GARRE1: variants seen among roughly 807,000 people sequenced by gnomAD.
The protein encoded by GARRE1 is granule associated Rac and RHOG effector 1.
In GARRE1, 49 loss-of-function variants were observed where a neutral mutation model predicts 103.2. The observed-to-expected ratio is 0.47, with a 90% CI of 0.38 to 0.60. The LOEUF (loss-of-function observed/expected upper bound fraction) is 0.60. Among genes scored for constraint, GARRE1 ranks in the 20% least tolerant of loss-of-function variants. The probability of loss-of-function intolerance (pLI) is 0.00; values close to 1 mark genes in which losing one functional copy is unlikely to be tolerated. For missense variants in GARRE1, 1,199 were observed against 1,370.5 expected, an observed-to-expected ratio of 0.87 and a Z score of 1.98; for synonymous variants, 505 against 532.8, an observed-to-expected ratio of 0.95 and a Z score of 0.72.
chr19:34,348,173 A>G, intron 11 of GARRE1, 131 bp downstream of exon 11: 1 of 758,080 alleles, frequency 1.3e-6, no homozygotes, highest in Non-Finnish European at 1.9e-6. Context: ...CATGTGAGAG[A>G]GTGACATGGG....
At chr19:34,259,765 T>C (rs1402698426) in intron 1 of GARRE1, among the ~76,000 whole-genome samples, 1 of 152,102 alleles carries the variant, frequency 6.6e-6, no homozygotes, top group Non-Finnish European at 1.5e-5. Flanking sequence ...CCAAATCTCA[T>C]CTTGAATTGT....
chr19:34,351,146 C>T (rs905134617), intron 12 of GARRE1, among the ~76,000 whole-genome samples: 15 of 150,190 alleles, frequency 1.0e-4, no homozygotes, highest in African/African-American at 3.7e-4. Flanking sequence ...TTGCAATGAG[C>T]TGAGATCATG....
intron 1 of GARRE1, among the ~76,000 whole-genome samples, chr19:34,297,439 T>C (rs2073953388): frequency 6.6e-6 from 1 of 152,198 alleles, no homozygotes; most frequent in South Asian, 2.1e-4. Context: ...TTTAATTAGG[T>C]AAGCATATAG....
In GARRE1 at chr19:34,353,468, T is replaced by C. The variant is rs2074251951; in HGVS notation, c.*513T>C. 1 of 156,422 alleles carries C rather than the reference T, an allele frequency of 6.4e-6. No homozygotes were observed. Among genetic ancestry groups the C allele is most frequent in the Non-Finnish European group, 1.4e-5 (1 of 70,850 alleles). 9.7% of individuals were successfully genotyped at this position (156,422 alleles called of 1,614,324 possible). A position where few individuals can be genotyped will look rare whatever the true frequency, so the allele number is the denominator to read the frequency against. ...TAGTTAAAACATCTCCTGCCTAAAA[T>C]GCATTGAATATTTTAAGATAACAGA... On this transcript the variant is annotated 3_prime_UTR_variant, in exon 14 of 14. Coordinates refer to ENST00000299505, the MANE Select transcript of GARRE1 (RefSeq NM_014686.5).
At chr19:34,270,046 T>A (rs981500238) in intron 1 of GARRE1, among the ~76,000 whole-genome samples, 3 of 152,344 alleles carry the variant, frequency 2.0e-5, no homozygotes, top group Admixed American at 6.5e-5. Flanking sequence ...GTTTTAATGA[T>A]ACCCTCCCTG....
chr19:34,295,553 A>G lies in GARRE1; in HGVS notation c.-795-4126A>G, dbSNP rs571921258. 4.3e-5 allele frequency among the ~76,000 whole-genome samples: 5 copies of G among 117,122 alleles called. No homozygotes were observed. The East Asian group carries it at 9.8e-4, about 23-fold the overall frequency. 76.8% of individuals were successfully genotyped at this position (117,122 alleles called of 152,430 possible). A position where few individuals can be genotyped will look rare whatever the true frequency, so the allele number is the denominator to read the frequency against. The stretch of plus-strand genomic sequence containing the variant: ...TTTTGTTTTGTTTTGTTTTCGAGAC[A>G]GGGTCTTGTTTTGTCACCCAGGCTA... On this transcript the variant is annotated intron_variant, in intron 1 of 13. Coordinates refer to ENST00000299505, the MANE Select transcript of GARRE1 (RefSeq NM_014686.5).
chr19:34,293,483 CTT>C (rs1000525266), intron 1 of GARRE1, among the ~76,000 whole-genome samples: 1 of 151,014 alleles, frequency 6.6e-6, no homozygotes, highest in Non-Finnish European at 1.5e-5. Context: ...GCAGCCTCAA[CTT>C]TTCAGGCTCA....
intron 2 of GARRE1, among the ~76,000 whole-genome samples, chr19:34,305,689 C>T (rs2074004488): frequency 6.6e-6 from 1 of 152,204 alleles, no homozygotes; most frequent in African/African-American, 2.4e-5. Context: ...GCTTGGTAAG[C>T]CGCTGGGGCA....
Position 34,300,825 on chromosome 19 carries a change from A to G in GARRE1, c.352A>G (p.Lys118Glu). 1 of 1,614,206 alleles carries G rather than the reference A, an allele frequency of 6.2e-7. No individual in the cohort carries two copies. The highest frequency in any genetic ancestry group is 1.1e-5 in the South Asian group (1 of 91,090). ...SHYSKAATQL[K>E]DVQEHVMEAA... The stretch of plus-strand genomic sequence containing the variant: ...CTACTCAAAGGCAGCCACACAGCTC[A>G]AAGATGTGCAGGAGCATGTCATGGA... Residue 118 changes from lysine to glutamate, a missense_variant, in exon 2 of 14, where the codon AAA (lysine) becomes GAA (glutamate). Physicochemically the swap from Lys to Glu is moderately conservative, Grantham distance 56. Coordinates refer to ENST00000299505, the MANE Select transcript of GARRE1 (RefSeq NM_014686.5).
At chr19:34,321,793 C>A (rs1175651505) in intron 3 of GARRE1, among the ~76,000 whole-genome samples, 2 of 152,102 alleles carry the variant, frequency 1.3e-5, no homozygotes, top group Non-Finnish European at 2.9e-5. Flanking sequence ...AGTCTTTTAT[C>A]CCTTGGAAGA....
chr19:34,262,449 C>G (rs1337806711), intron 1 of GARRE1, among the ~76,000 whole-genome samples: 1 of 151,914 alleles, frequency 6.6e-6, no homozygotes, highest in African/African-American at 2.4e-5. Flanking sequence ...GCATGCGTCA[C>G]CACGCCCAGC....
At chr19:34,328,912 C>T (rs2074125217) in intron 6 of GARRE1, among the ~76,000 whole-genome samples, 1 of 152,062 alleles carries the variant, frequency 6.6e-6, no homozygotes, top group East Asian at 1.9e-4. Flanking sequence ...TGGGCCTAGG[C>T]AGTTTTATTC....
At chr19:34,347,743 C>A in intron 10 of GARRE1, 134 bp from the exon 11 acceptor site, 1 of 833,306 alleles carries the variant, frequency 1.2e-6, no homozygotes, top group Non-Finnish European at 1.8e-6. Context: ...CTACAGCCCA[C>A]GCTGTGGGGC....
chr19:34,330,407 G>A, intron 7 of GARRE1, 60 bp downstream of exon 7: 1 of 1,542,730 alleles, frequency 6.5e-7, no homozygotes, highest in African/African-American at 1.4e-5. Flanking sequence ...AGCATGTGAG[G>A]ATGTGGTGCA....
In GARRE1 at chr19:34,300,308, T is replaced by C; in HGVS notation, c.-166T>C. The stretch of plus-strand genomic sequence containing the variant: ...AAATATTAATTATATAAACCTGTTG[T>C]CTCTCACCTCTACATTGGATCACAT... On this transcript the variant is annotated 5_prime_UTR_variant, in exon 2 of 14. Transcript: ENST00000299505. 1.6e-6 allele frequency: 1 copy of C among 622,972 alleles called. No individual in the cohort carries two copies. The highest frequency in any genetic ancestry group is 2.7e-6 in the Non-Finnish European group (1 of 375,688). 38.6% of individuals were successfully genotyped at this position (622,972 alleles called of 1,614,324 possible). A position where few individuals can be genotyped will look rare whatever the true frequency, so the allele number is the denominator to read the frequency against.
At chr19:34,350,969 C>T (rs982881178) in intron 12 of GARRE1, among the ~76,000 whole-genome samples, 25 of 151,798 alleles carry the variant, frequency 1.6e-4, no homozygotes, top group African/African-American at 5.1e-4. Context: ...GAGGCTTAGG[C>T]GGGCAGATCA....
At chr19:34,345,140 A>G (rs1455535046) in intron 10 of GARRE1, among the ~76,000 whole-genome samples, 1 of 151,636 alleles carries the variant, frequency 6.6e-6, no homozygotes, top group Non-Finnish European at 1.5e-5. Flanking sequence ...GCCCATAGAG[A>G]TGGGGTTTTG....
intron 8 of GARRE1, among the ~76,000 whole-genome samples, chr19:34,338,796 T>C (rs1197472056): frequency 6.6e-6 from 1 of 152,120 alleles, no homozygotes; most frequent in Non-Finnish European, 1.5e-5. Context: ...TCAATCACGA[T>C]GATATCCCAT....
At chr19:34,340,041 T>C in intron 9 of GARRE1, 49 bp downstream of exon 9, 1 of 1,601,456 alleles carries the variant, frequency 6.2e-7, no homozygotes, top group Non-Finnish European at 8.6e-7. Flanking sequence ...ACAGTGTGAC[T>C]ATGCACAGTT....
Sources: gnomAD v4.1 joint callset for allele counts (sites outside exome capture counted in the v4.1 genomes callset) on GRCh38, gnomAD v4.1.1 for gene constraint, MANE v1.5 for transcripts, NCBI Gene and HGNC (gene_info 2026-07-23, HGNC 2026-07-21) for gene names.